Variants in SLX4IP observed in about 807,000 individuals in gnomAD.
The protein encoded by SLX4IP is SLX4 interacting protein, also known as protein SLX4IP.
Under a neutral mutation model 32.9 loss-of-function variants are expected in SLX4IP, and 34 were observed. The observed-to-expected ratio is 1.03, with a 90% CI of 0.79 to 1.38. SLX4IP has a LOEUF of 1.38. SLX4IP is among the 40% of genes most tolerant of loss of function. SLX4IP has a pLI of 0.00. For synonymous variants in SLX4IP, 172 were observed against 171.7 expected (o/e 1.00, Z -0.01); for missense variants, 444 against 479.0 (o/e 0.93, Z 0.68).
At chr20:10,482,429 C>T (rs375556425) in intron 2 of SLX4IP, among the ~76,000 whole-genome samples, 3 of 152,182 alleles carry the variant, frequency 2.0e-5, no homozygotes, top group East Asian at 3.9e-4. Flanking sequence ...TTATCTGAGG[C>T]CAGTTTGATT....
rs2067128359 is a variant in SLX4IP, at chr20:10,622,848, C to T, written c.696C>T (p.His232=). ...ATTCCATAAAGGCAGCTGAGAGCCA[C>T]TGGGGGCTTCCTGTTCAAAAGCTGG... ...AKDSIKAAES[H]WGLPVQKLEK... is the part of the protein sequence containing the mutation. The change falls in exon 8 of 8, where the codon CAC becomes CAT. Residue 232 remains histidine (H), a synonymous_variant. Transcript: ENST00000334534. 3 of 1,613,980 alleles carry T rather than the reference C, an allele frequency of 1.9e-6. No individual in the cohort carries two copies. Among genetic ancestry groups the T allele is most frequent in the Non-Finnish European group, 1.7e-6 (2 of 1,180,036 alleles).
intron 2 of SLX4IP, among the ~76,000 whole-genome samples, chr20:10,488,929 C>A (rs1244278164): frequency 6.6e-6 from 1 of 152,096 alleles, no homozygotes; most frequent in African/African-American, 2.4e-5. Flanking sequence ...AACCAAAGAA[C>A]ATACCACTTA....
chr20:10,527,106 A>T (rs1169559939), intron 2 of SLX4IP, among the ~76,000 whole-genome samples: 1 of 152,174 alleles, frequency 6.6e-6, no homozygotes, highest in East Asian at 1.9e-4. Context: ...TACCATCAGT[A>T]TTTTGCTGGT....
rs2066807370 is a variant in SLX4IP, at chr20:10,598,883, A to C, written c.316+131A>C. Reference sequence around the variant, plus strand: ...CCTTCATGTCTTGAGTGTGTCCGAAAGTTTGCGATTTCTTTCCTCCCACCT... The same window carrying C: ...CCTTCATGTCTTGAGTGTGTCCGAACGTTTGCGATTTCTTTCCTCCCACCT... On this transcript the variant is annotated intron_variant, in intron 5 of 7. Transcript: ENST00000334534. 4 of 888,134 alleles carry C rather than the reference A, an allele frequency of 4.5e-6. No homozygotes were observed. In the South Asian group the frequency reaches 5.9e-5, roughly 13 times the overall value. 55.0% of individuals were successfully genotyped at this position (888,134 alleles called of 1,614,324 possible).
intron 4 of SLX4IP, among the ~76,000 whole-genome samples, chr20:10,592,777 G>A (rs959917533): frequency 3.3e-5 from 5 of 151,672 alleles, no homozygotes; most frequent in Admixed American, 2.0e-4. Flanking sequence ...TGGGACTACA[G>A]GTGCGTGCCA....
At chr20:10,521,562 AG>A (rs2065901302) in intron 2 of SLX4IP, among the ~76,000 whole-genome samples, 1 of 152,184 alleles carries the variant, frequency 6.6e-6, no homozygotes, top group Admixed American at 6.5e-5. Context: ...TTCCTGCTCA[AG>A]GCTACTGAAA....
rs2067178112 is a variant in SLX4IP at position 10,626,822 on chromosome 20, G to A, written c.*3443G>A. ...GTGTATTTCATTTTATAAAAAGCAA[G>A]AATCATAAAAACCCTCTGTATTTTG... On this transcript the variant is annotated 3_prime_UTR_variant, in exon 8 of 8. Transcript: ENST00000334534. 1 of 152,136 alleles carries A rather than the reference G, an allele frequency of 6.6e-6. No individual in the cohort carries two copies. The highest frequency in any genetic ancestry group is 1.5e-5 in the Non-Finnish European group (1 of 68,012). 9.4% of individuals were successfully genotyped at this position (152,136 alleles called of 1,614,324 possible). A position where few individuals can be genotyped will look rare whatever the true frequency, so the allele number is the denominator to read the frequency against.
At chr20:10,497,980 G>A (rs1465505547) in intron 2 of SLX4IP, among the ~76,000 whole-genome samples, 2 of 151,574 alleles carry the variant, frequency 1.3e-5, no homozygotes, top group Non-Finnish European at 2.9e-5. Flanking sequence ...CTAGAGCCAA[G>A]TCATAGAGCA....
chr20:10,439,356 G>A (rs935245247), intron 1 of SLX4IP, among the ~76,000 whole-genome samples: 7 of 151,898 alleles, frequency 4.6e-5, no homozygotes, highest in East Asian at 1.9e-4. Context: ...CTACAGGTGC[G>A]CACCACTGTG....
chr20:10,558,460 A>C (rs1464069917), intron 3 of SLX4IP, among the ~76,000 whole-genome samples: 1 of 152,050 alleles, frequency 6.6e-6, no homozygotes, highest in Non-Finnish European at 1.5e-5. Flanking sequence ...GCTTAGGTTC[A>C]GTGTCCCCAG....
At chr20:10,581,587 T>C (rs1379248294) in intron 4 of SLX4IP, among the ~76,000 whole-genome samples, 1 of 152,072 alleles carries the variant, frequency 6.6e-6, no homozygotes, top group Non-Finnish European at 1.5e-5. Context: ...AAATGCCAGG[T>C]AGAAAAGTCT....
chr20:10,483,151 G>A (rs563354739), intron 2 of SLX4IP, among the ~76,000 whole-genome samples: 1 of 141,444 alleles, frequency 7.1e-6, no homozygotes, highest in Non-Finnish European at 1.6e-5. Flanking sequence ...AGACAGTCTC[G>A]CTCTGTTGCC....
intron 2 of SLX4IP, among the ~76,000 whole-genome samples, chr20:10,469,865 T>G (rs759845932): frequency 6.6e-6 from 1 of 152,332 alleles, no homozygotes; most frequent in East Asian, 1.9e-4. Flanking sequence ...ATCCCTAGCC[T>G]TTTATGAATG....
chr20:10,441,356 A>G (rs944041917), intron 1 of SLX4IP, among the ~76,000 whole-genome samples: 2 of 152,140 alleles, frequency 1.3e-5, no homozygotes, highest in Non-Finnish European at 2.9e-5. Context: ...GGATCACTTG[A>G]ACCTGGGGAG....
At chr20:10,445,025 C>T (rs2065190211) in intron 1 of SLX4IP, among the ~76,000 whole-genome samples, 1 of 152,110 alleles carries the variant, frequency 6.6e-6, no homozygotes, top group Non-Finnish European at 1.5e-5. Flanking sequence ...ATGTGTTCCC[C>T]ACAGATTCTC....
intron 2 of SLX4IP, among the ~76,000 whole-genome samples, chr20:10,554,121 T>C (rs932531472): frequency 9.9e-5 from 15 of 152,202 alleles, no homozygotes; most frequent in African/African-American, 3.6e-4. Flanking sequence ...TCTCACCCAG[T>C]TTTTTACCCC....
intron 1 of SLX4IP, among the ~76,000 whole-genome samples, chr20:10,445,127 A>G (rs557358666): frequency 6.6e-6 from 1 of 152,132 alleles, no homozygotes; most frequent in South Asian, 2.1e-4. Flanking sequence ...AGGATATACA[A>G]GTCTCATGGT....
intron 1 of SLX4IP, among the ~76,000 whole-genome samples, chr20:10,435,725 A>G (rs1157053885): frequency 1.3e-5 from 2 of 152,234 alleles, no homozygotes; most frequent in Non-Finnish European, 2.9e-5. Context: ...AGGTATTTGT[A>G]TCAAATCATG....
chr20:10,530,866 G>C (rs900950763), intron 2 of SLX4IP, among the ~76,000 whole-genome samples: 1 of 152,032 alleles, frequency 6.6e-6, no homozygotes. Flanking sequence ...TACAAAAAAA[G>C]CATAAATGCT....
Sources: gnomAD v4.1 joint callset for allele counts (sites outside exome capture counted in the v4.1 genomes callset) on GRCh38, gnomAD v4.1.1 for gene constraint, MANE v1.5 for transcripts, NCBI Gene and HGNC (gene_info 2026-07-23, HGNC 2026-07-21) for gene names.